Variants in MPP7 observed in about 807,000 individuals in gnomAD.
MPP7 encodes MAGUK p55 subfamily member 7.
MPP7 carries 60 observed loss-of-function variants against 76.5 expected under a neutral mutation model. The observed-to-expected ratio is 0.78, with a 90% CI of 0.64 to 0.97. MPP7 has a LOEUF of 0.97. MPP7 is among the 50% of genes least tolerant of loss of function. The probability of loss-of-function intolerance (pLI) is 0.00; values close to 1 mark genes in which losing one functional copy is unlikely to be tolerated. For missense variants in MPP7, 641 were observed against 694.0 expected, an observed-to-expected ratio of 0.92 and a Z score of 0.86; for synonymous variants, 237 against 244.5, an observed-to-expected ratio of 0.97 and a Z score of 0.29.
At chr10:28,206,191 A>T (rs1468276932) in intron 2 of MPP7, among the ~76,000 whole-genome samples, 1 of 152,198 alleles carries the variant, frequency 6.6e-6, no homozygotes, top group Admixed American at 6.5e-5. Flanking sequence ...CTGAGTTCTC[A>T]TATTCAGGGT....
intron 1 of MPP7, among the ~76,000 whole-genome samples, chr10:28,274,819 C>T (rs1473883501): frequency 6.6e-6 from 1 of 152,034 alleles, no homozygotes; most frequent in Non-Finnish European, 1.5e-5. Context: ...TTTTTATATG[C>T]CATCAATTTC....
chr10:28,079,426 G>C (rs957217998), intron 12 of MPP7, among the ~76,000 whole-genome samples: 3 of 151,678 alleles, frequency 2.0e-5, no homozygotes, highest in Non-Finnish European at 4.4e-5. Context: ...GCTGAGACAG[G>C]AAGATCACCT....
chr10:28,185,957 C>T (rs1588897657), intron 3 of MPP7, among the ~76,000 whole-genome samples: 2 of 152,292 alleles, frequency 1.3e-5, no homozygotes, highest in South Asian at 2.1e-4. Flanking sequence ...AGCCTTGACA[C>T]AGCAGATCCC....
Position 28,149,972 on chromosome 10 carries a change from T to C in MPP7, c.234+10A>G, listed in dbSNP as rs559348438. 18 of 1,610,426 alleles carry C rather than the reference T, an allele frequency of 1.1e-5. No homozygotes were observed. In the African/African-American group the frequency reaches 1.9e-4, roughly 17 times the overall value. On this transcript the variant is annotated intron_variant, in intron 4 of 16. Transcript: ENST00000683449. The stretch of plus-strand genomic sequence containing the variant: ...GACACATCCCAGTGAGCTCGGAGAG[T>C]CACACTTACATCATCGGCCAAGGCC...
At chr10:28,293,192 T>C (rs1298839435) in intron 1 of MPP7, among the ~76,000 whole-genome samples, 7 of 151,566 alleles carry the variant, frequency 4.6e-5, no homozygotes, top group Non-Finnish European at 8.8e-5. Context: ...AAAACTGCTA[T>C]AAATTAGGGC....
intron 11 of MPP7, among the ~76,000 whole-genome samples, chr10:28,109,813 A>T (rs1293815433): frequency 6.8e-6 from 1 of 146,878 alleles, no homozygotes; most frequent in Non-Finnish European, 1.5e-5. Flanking sequence ...AAGCCAAGAA[A>T]TAAAGCAGAA....
chr10:28,200,108 C>T (rs1432346441), intron 3 of MPP7, among the ~76,000 whole-genome samples: 1 of 152,206 alleles, frequency 6.6e-6, no homozygotes, highest in African/African-American at 2.4e-5. Flanking sequence ...CTGAAGGCTT[C>T]TATCCTCCAA....
chr10:28,158,410 G>T (rs1009629188), intron 3 of MPP7, among the ~76,000 whole-genome samples: 1 of 152,118 alleles, frequency 6.6e-6, no homozygotes, highest in African/African-American at 2.4e-5. Context: ...TACGGAAATA[G>T]GAAAAGAGGG....
chr10:28,111,349 A>C (rs1834500608), intron 11 of MPP7, among the ~76,000 whole-genome samples: 2 of 152,216 alleles, frequency 1.3e-5, no homozygotes, highest in Non-Finnish European at 2.9e-5. Flanking sequence ...GCTGCACTGC[A>C]GCCTTGTTTT....
At chr10:28,196,952 A>C (rs942610422) in intron 3 of MPP7, among the ~76,000 whole-genome samples, 3 of 152,108 alleles carry the variant, frequency 2.0e-5, no homozygotes, top group Non-Finnish European at 4.4e-5. Context: ...AAGCCCATTT[A>C]CCTTCTGTCG....
intron 3 of MPP7, among the ~76,000 whole-genome samples, chr10:28,175,993 G>T (rs190733247): frequency 1.3e-5 from 2 of 152,166 alleles, no homozygotes; most frequent in African/African-American, 4.8e-5. Context: ...ATTAGGAAGA[G>T]AAGGGAAATA....
At chr10:28,086,898 C>G (rs1853037967) in intron 12 of MPP7, among the ~76,000 whole-genome samples, 1 of 152,288 alleles carries the variant, frequency 6.6e-6, no homozygotes, top group African/African-American at 2.4e-5. Context: ...GCAAACAAAA[C>G]CAGGCAGAGT....
At chr10:28,267,373 A>C (rs1303639524) in intron 1 of MPP7, among the ~76,000 whole-genome samples, 1 of 152,240 alleles carries the variant, frequency 6.6e-6, no homozygotes, top group Non-Finnish European at 1.5e-5. Flanking sequence ...CAAAACAGGC[A>C]CATCCCTGAC....
At chr10:28,172,352 A>G (rs1836712016) in intron 3 of MPP7, among the ~76,000 whole-genome samples, 1 of 152,220 alleles carries the variant, frequency 6.6e-6, no homozygotes, top group African/African-American at 2.4e-5. Context: ...ACACTATTCA[A>G]TCCTCTCCCA....
rs188275798 is a variant in MPP7 at position 28,279,889 on chromosome 10, G to C, written c.-132+22972C>G. Among the ~76,000 whole-genome samples, 4 of 152,072 alleles carry C rather than the reference G, an allele frequency of 2.6e-5. No individual in the cohort carries two copies. In the East Asian group the frequency reaches 7.7e-4, roughly 29 times the overall value. On this transcript the variant is annotated intron_variant, in intron 1 of 16. Coordinates refer to ENST00000683449, the MANE Select transcript of MPP7 (RefSeq NM_001318170.2). ...ACACAAGAAAAATCAAGTCTAAACT[G>C]TGGCTGAATGATCCCTTAGAATTAT...
intron 2 of MPP7, among the ~76,000 whole-genome samples, chr10:28,222,687 C>T (rs1838552434): frequency 6.6e-6 from 1 of 151,734 alleles, no homozygotes. Flanking sequence ...CCCGTCTCCA[C>T]TAAAAATACA....
intron 12 of MPP7, among the ~76,000 whole-genome samples, chr10:28,089,259 T>TCCTAGAACTCTGCTGTAATAC (rs1853170676): frequency 6.6e-6 from 1 of 152,188 alleles, no homozygotes; most frequent in African/African-American, 2.4e-5. Context: ...GCTTGAAATA[T>TCCTAGAACTCTGCTGTAATAC]CCTAGAACTC....
At chr10:28,302,698 G>T (rs1213176580) in intron 1 of MPP7, among the ~76,000 whole-genome samples, 163 bp downstream of exon 1, 1 of 145,728 alleles carries the variant, frequency 6.9e-6, no homozygotes, top group Non-Finnish European at 1.5e-5. Flanking sequence ...GGTGCCCGCC[G>T]CGGGCTCCCA....
At chr10:28,096,757 T>A (rs1352470610) in intron 11 of MPP7, among the ~76,000 whole-genome samples, 2 of 152,186 alleles carry the variant, frequency 1.3e-5, no homozygotes, top group African/African-American at 4.8e-5. Context: ...ACACTTAATT[T>A]TTTAATTCCA....
Sources: gnomAD v4.1 joint callset for allele counts (sites outside exome capture counted in the v4.1 genomes callset) on GRCh38, gnomAD v4.1.1 for gene constraint, MANE v1.5 for transcripts, NCBI Gene and HGNC (gene_info 2026-07-23, HGNC 2026-07-21) for gene names.